PCDH15: variants seen among roughly 807,000 people sequenced by gnomAD.
The protein encoded by PCDH15 is protocadherin related 15.
In PCDH15, 129 loss-of-function variants were observed where a neutral mutation model predicts 178.5. That is an observed-to-expected ratio of 0.72 (90% CI 0.63 to 0.84). The LOEUF is 0.84. Among genes scored for constraint, PCDH15 ranks in the 40% least tolerant of loss-of-function variants. PCDH15 has a pLI of 0.00. For synonymous variants in PCDH15, 800 were observed against 732.0 expected (o/e 1.09, Z -1.50); for missense variants, 2,230 against 2,099.9 (o/e 1.06, Z -1.21).
chr10:55,586,194 A>C (rs1449418656), intron 2 of PCDH15, among the ~76,000 whole-genome samples: 2 of 152,136 alleles, frequency 1.3e-5, no homozygotes, highest in Non-Finnish European at 2.9e-5. Context: ...ACAGATGCCA[A>C]AGTATCTCAC....
rs753111027 is a variant in PCDH15 at position 53,827,375 on chromosome 10, C to G, written c.4367+18G>C. ...TAAAACCCAACTACTTCTCAGAGTT[C>G]CTGAACGGTCTACTTACATTGAGCT... is the stretch of plus-strand genomic sequence containing the variant. On this transcript the variant is annotated intron_variant, in intron 32 of 37. Coordinates refer to ENST00000644397, the MANE Select transcript of PCDH15 (RefSeq NM_001384140.1). 1 of 1,598,924 alleles carries G rather than the reference C, an allele frequency of 6.3e-7. No homozygotes were observed. The highest frequency in any genetic ancestry group is 8.5e-7 in the Non-Finnish European group (1 of 1,170,644).
chr10:55,450,115 GC>G (rs1417502771), intron 2 of PCDH15, among the ~76,000 whole-genome samples: 2 of 152,116 alleles, frequency 1.3e-5, no homozygotes, highest in Non-Finnish European at 2.9e-5. Context: ...ATAATATCAA[GC>G]TACATGCATA....
At chr10:55,244,131 A>T (rs1841627160) in intron 1 of PCDH15, among the ~76,000 whole-genome samples, 1 of 152,126 alleles carries the variant, frequency 6.6e-6, no homozygotes, top group Admixed American at 6.5e-5. Context: ...GATCTGGACC[A>T]AAATGGAATG....
At chr10:54,276,211 G>A (rs897809749) in intron 8 of PCDH15, among the ~76,000 whole-genome samples, 4 of 151,616 alleles carry the variant, frequency 2.6e-5, no homozygotes, top group South Asian at 2.1e-4. Flanking sequence ...TGAAAAGGAA[G>A]CTTCACAGAG....
intron 5 of PCDH15, among the ~76,000 whole-genome samples, chr10:54,357,628 A>C (rs1451411050): frequency 1.3e-5 from 2 of 152,304 alleles, no homozygotes; most frequent in East Asian, 1.9e-4. Context: ...CCATCAAGCT[A>C]TGAATGACTT....
intron 2 of PCDH15, among the ~76,000 whole-genome samples, chr10:54,650,297 A>G (rs913151865): frequency 6.6e-6 from 1 of 152,168 alleles, no homozygotes; most frequent in Admixed American, 6.6e-5. Flanking sequence ...TTCCCACATA[A>G]TAGTTGAACC....
At chr10:54,075,234 A>T (rs906504970) in intron 17 of PCDH15, among the ~76,000 whole-genome samples, 1 of 151,980 alleles carries the variant, frequency 6.6e-6, no homozygotes, top group Non-Finnish European at 1.5e-5. Context: ...AAAAATAGCC[A>T]GGCATGGTGG....
At chr10:54,548,235 C>G (rs1590039750) in intron 2 of PCDH15, among the ~76,000 whole-genome samples, 1 of 147,044 alleles carries the variant, frequency 6.8e-6, no homozygotes, top group South Asian at 2.1e-4. Context: ...AAAATACTCA[C>G]ATGTTTTTTA....
chr10:54,365,337 T>C (rs576786023), intron 5 of PCDH15, among the ~76,000 whole-genome samples: 25 of 152,240 alleles, frequency 1.6e-4, no homozygotes, highest in Non-Finnish European at 2.9e-4. Flanking sequence ...GCTCATAATA[T>C]AGATATAGCT....
intron 2 of PCDH15, among the ~76,000 whole-genome samples, chr10:55,422,311 A>G (rs935738418): frequency 6.6e-6 from 1 of 151,920 alleles, no homozygotes; most frequent in African/African-American, 2.4e-5. Flanking sequence ...ACAGAACTAT[A>G]TAGAATCCTT....
intron 2 of PCDH15, among the ~76,000 whole-genome samples, chr10:54,623,345 T>A (rs557579010): frequency 1.3e-5 from 2 of 152,262 alleles, no homozygotes; most frequent in East Asian, 3.9e-4. Flanking sequence ...AAAAGTCAAA[T>A]TGTGGTTCCT....
chr10:54,623,412 GACTA>G (rs751652458), intron 2 of PCDH15, among the ~76,000 whole-genome samples: 3 of 151,796 alleles, frequency 2.0e-5, no homozygotes, highest in South Asian at 2.1e-4. Flanking sequence ...TTTAAAATTT[GACTA>G]ACTTTTTTAC....
intron 3 of PCDH15, among the ~76,000 whole-genome samples, chr10:54,432,354 C>T (rs1413538848): frequency 1.3e-5 from 2 of 152,020 alleles, no homozygotes; most frequent in African/African-American, 4.8e-5. Context: ...ATAATCAAAG[C>T]AGCATGGTCT....
Position 54,526,721 on chromosome 10 carries a change from T to C in PCDH15, c.157+1091A>G, listed in dbSNP as rs536873581. ...GGCAAATATTTTATTAATACTTAAA[T>C]TTGTTTAATCAGAGGCCAGCAGTAC... is the stretch of plus-strand genomic sequence containing the variant. On this transcript the variant is annotated intron_variant, in intron 3 of 37. Coordinates refer to ENST00000644397, the MANE Select transcript of PCDH15 (RefSeq NM_001384140.1). Among the ~76,000 whole-genome samples the C allele has an allele frequency of 1.9e-4, 29 of 152,326 alleles. No homozygotes were observed. The South Asian group carries it at 2.5e-3, about 13-fold the overall frequency.
intron 20 of PCDH15, among the ~76,000 whole-genome samples, chr10:54,015,759 A>T (rs2092720962): frequency 6.6e-6 from 1 of 152,194 alleles, no homozygotes; most frequent in African/African-American, 2.4e-5. Flanking sequence ...CTCAAGACGG[A>T]TTGAAGACTT....
chr10:55,003,500 T>TA (rs1336630043), intron 2 of PCDH15, among the ~76,000 whole-genome samples: 1 of 152,100 alleles, frequency 6.6e-6, no homozygotes, highest in Non-Finnish European at 1.5e-5. Context: ...TTATAGCCTT[T>TA]AACAACTGAG....
At chr10:55,062,640 G>C (rs887240281) in intron 2 of PCDH15, among the ~76,000 whole-genome samples, 4 of 152,136 alleles carry the variant, frequency 2.6e-5, no homozygotes, top group East Asian at 1.9e-4. Flanking sequence ...AAACTATTCT[G>C]TATGATGCTA....
chr10:55,231,275 G>T (rs574954555), intron 1 of PCDH15, among the ~76,000 whole-genome samples: 1 of 152,014 alleles, frequency 6.6e-6, no homozygotes, highest in African/African-American at 2.4e-5. Context: ...TAAGAAATCT[G>T]GAGAACTTTT....
chr10:54,609,857 T>A (rs930843666), intron 2 of PCDH15, among the ~76,000 whole-genome samples: 2 of 152,072 alleles, frequency 1.3e-5, no homozygotes, highest in African/African-American at 4.8e-5. Flanking sequence ...AAGGCAGGGC[T>A]ATTTATAATA....
Sources: gnomAD v4.1 joint callset for allele counts (sites outside exome capture counted in the v4.1 genomes callset) on GRCh38, gnomAD v4.1.1 for gene constraint, MANE v1.5 for transcripts, NCBI Gene and HGNC (gene_info 2026-07-23, HGNC 2026-07-21) for gene names.